The following OPHN1 variants were observed in gnomAD, a reference collection of about 807,000 sequenced individuals.
The protein encoded by OPHN1 is oligophrenin 1, also known as oligophrenin-1.
In OPHN1, 11 loss-of-function variants were observed where a neutral mutation model predicts 60.7. The observed-to-expected ratio is 0.18, with a 90% CI of 0.11 to 0.30. The LOEUF (loss-of-function observed/expected upper bound fraction) is 0.30, where lower values mean the gene tolerates loss of function less well. OPHN1 is among the 10% of genes least tolerant of loss of function. The pLI is 1.00. For synonymous variants in OPHN1, 226 were observed against 222.6 expected (o/e 1.02, Z -0.14); for missense variants, 449 against 611.0 (o/e 0.73, Z 2.80).
At chrX:68,076,505 C>G (rs1435021625) in intron 19 of OPHN1, among the ~76,000 whole-genome samples, 2 of 111,207 alleles carry the variant, frequency 1.8e-5, no homozygotes, top group Non-Finnish European at 3.8e-5. Flanking sequence ...TCTCTAGACC[C>G]AGAGAGTTTA....
At chrX:68,378,820 G>C (rs923786925) in intron 2 of OPHN1, among the ~76,000 whole-genome samples, 5 of 111,751 alleles carry the variant, frequency 4.5e-5, no homozygotes, top group African/African-American at 1.6e-4. Flanking sequence ...GTACCATGCT[G>C]TTTTGGTTAC....
chrX:68,086,181 C>CAAA (rs779219029), intron 19 of OPHN1, among the ~76,000 whole-genome samples: 1 of 71,214 alleles, frequency 1.4e-5, no homozygotes, highest in Non-Finnish European at 2.7e-5. Flanking sequence ...ACTCTGTCTC[C>CAAA]AAAAAAAAAA....
At chrX:68,090,542 C>T (rs183321095) in intron 19 of OPHN1, among the ~76,000 whole-genome samples, 1 of 110,662 alleles carries the variant, frequency 9.0e-6, no homozygotes. Context: ...CTCTAGGTTG[C>T]TAGACTGGGT....
intron 2 of OPHN1, among the ~76,000 whole-genome samples, chrX:68,341,006 GAA>G (rs369219130): frequency 4.8e-5 from 2 of 41,806 alleles, no homozygotes; most frequent in African/African-American, 1.8e-4. Flanking sequence ...GTCTCAAAAA[GAA>G]AAAAAAAAAA....
At chrX:68,154,752 G>A (rs1382755353) in intron 15 of OPHN1, among the ~76,000 whole-genome samples, 1 of 110,866 alleles carries the variant, frequency 9.0e-6, no homozygotes, top group Admixed American at 9.7e-5. Context: ...TTCTGTGAAA[G>A]GTCAGAGGTT....
At chrX:68,067,522 T>C (rs1485230123) in intron 20 of OPHN1, among the ~76,000 whole-genome samples, 1 of 110,705 alleles carries the variant, frequency 9.0e-6, no homozygotes, top group Non-Finnish European at 1.9e-5. Flanking sequence ...CATTATCAAA[T>C]ATGCATTTTT....
intron 5 of OPHN1, among the ~76,000 whole-genome samples, chrX:68,269,694 T>C (rs2077955662): frequency 8.9e-6 from 1 of 111,836 alleles, no homozygotes; most frequent in African/African-American, 3.3e-5. Flanking sequence ...ACTTCATGTC[T>C]AAAACACCAA....
At chrX:68,056,625 T>C (rs1319200503) in intron 21 of OPHN1, among the ~76,000 whole-genome samples, 2 of 111,572 alleles carry the variant, frequency 1.8e-5, no homozygotes. Flanking sequence ...AATAATCCAA[T>C]TCTTCTAATA....
intron 20 of OPHN1, among the ~76,000 whole-genome samples, chrX:68,064,695 T>G (rs2076906673): frequency 8.9e-6 from 1 of 112,283 alleles, no homozygotes; most frequent in African/African-American, 3.2e-5. Context: ...CATTAGTACA[T>G]GTCTTTCAGT....
chrX:68,055,225 T>A (rs940251408), intron 21 of OPHN1, among the ~76,000 whole-genome samples: 2 of 112,173 alleles, frequency 1.8e-5, no homozygotes, highest in African/African-American at 3.2e-5. Flanking sequence ...CTTTCAGATC[T>A]TGTTCTGCTG....
intron 2 of OPHN1, among the ~76,000 whole-genome samples, chrX:68,416,585 T>C (rs1031036145): frequency 9.0e-6 from 1 of 111,457 alleles, no homozygotes; most frequent in Non-Finnish European, 1.9e-5. Context: ...GGGTAGGCAA[T>C]AGGAATACAT....
chrX:68,273,352 C>T (rs1335572956), intron 5 of OPHN1, among the ~76,000 whole-genome samples: 1 of 111,745 alleles, frequency 8.9e-6, no homozygotes, highest in Non-Finnish European at 1.9e-5. Context: ...AAGAAACTAC[C>T]TTTGCTACAT....
chrX:68,408,012 C>T (rs766734992), intron 2 of OPHN1, among the ~76,000 whole-genome samples: 104 of 111,827 alleles, frequency 9.3e-4, no homozygotes, highest in African/African-American at 3.1e-3. Context: ...ACTATGCTAC[C>T]CAGGCTGGAC....
At chrX:68,309,701 G>A (rs1020124623) in intron 2 of OPHN1, among the ~76,000 whole-genome samples, 1 of 112,062 alleles carries the variant, frequency 8.9e-6, no homozygotes, top group South Asian at 3.7e-4. Flanking sequence ...CTTGAAAAGG[G>A]GGATACTGCC....
chrX:68,229,300 AT>A (rs1206444699), intron 6 of OPHN1, among the ~76,000 whole-genome samples: 4 of 112,100 alleles, frequency 3.6e-5, no homozygotes, highest in Non-Finnish European at 5.6e-5. Context: ...ATGCACATGG[AT>A]AGGAAGAATC....
intron 12 of OPHN1, among the ~76,000 whole-genome samples, chrX:68,195,003 A>AAGGAAGGAAGG (rs1230407967): frequency 1.7e-5 from 1 of 58,740 alleles, no homozygotes; most frequent in Non-Finnish European, 3.2e-5. Flanking sequence ...AGAGAGAAAG[A>AAGGAAGGAAGG]AAGGAAGGAA....
intron 5 of OPHN1, among the ~76,000 whole-genome samples, chrX:68,249,763 G>C (rs938531278): frequency 1.8e-5 from 2 of 111,472 alleles, no homozygotes; most frequent in African/African-American, 6.5e-5. Context: ...GCAGGGCTGT[G>C]AGCTCTGAGT....
chrX:68,166,701 T>C (rs1362524415), intron 15 of OPHN1, among the ~76,000 whole-genome samples: 1 of 110,747 alleles, frequency 9.0e-6, no homozygotes, highest in Non-Finnish European at 1.9e-5. Context: ...CACAGGTCAG[T>C]GGAACAGAAT....
chrX:68,313,300 C>T (rs2078183045), intron 2 of OPHN1, among the ~76,000 whole-genome samples: 1 of 111,046 alleles, frequency 9.0e-6, no homozygotes, highest in Non-Finnish European at 1.9e-5. Context: ...GCCGTATGAT[C>T]CTGCAATCCC....
Sources: gnomAD v4.1 joint callset for allele counts (sites outside exome capture counted in the v4.1 genomes callset) on GRCh38, gnomAD v4.1.1 for gene constraint, MANE v1.5 for transcripts, NCBI Gene and HGNC (gene_info 2026-07-23, HGNC 2026-07-21) for gene names.